SLC37A2: variants seen among roughly 807,000 people sequenced by gnomAD.
SLC37A2 encodes the protein glucose-6-phosphate exchanger SLC37A2.
Under a neutral mutation model 70.7 loss-of-function variants are expected in SLC37A2, and 59 were observed. That is an observed-to-expected ratio of 0.83 (90% CI 0.68 to 1.04). The LOEUF is 1.04. Among genes scored for constraint, SLC37A2 ranks in the 50% least tolerant of loss-of-function variants. The probability of loss-of-function intolerance (pLI) is 0.00; values close to 1 mark genes in which losing one functional copy is unlikely to be tolerated. For synonymous variants in SLC37A2, 257 were observed against 262.1 expected, an observed-to-expected ratio of 0.98 and a Z score of 0.19; for missense variants, 580 against 658.1, an observed-to-expected ratio of 0.88 and a Z score of 1.30.
rs982899644 is a variant in SLC37A2 at position 125,081,329 on chromosome 11, T to C, written c.695-92T>C. ...GGCGGGGCTGGTTCCCGGGATGGCT[T>C]AGATCCAGTGCAAGGTGAGGGCCTG... On this transcript the variant is annotated intron_variant, in intron 7 of 17. Coordinates refer to ENST00000403796, the MANE Select transcript of SLC37A2 (RefSeq NM_001145290.2). The C allele has an allele frequency of 3.0e-5, 39 of 1,318,650 alleles. No homozygotes were observed. The Middle Eastern group carries it at 7.7e-4, about 26-fold the overall frequency. The allele number at this position is 1,318,650 out of a possible 1,614,324, so 81.7% of individuals were successfully genotyped here.
At position 125,063,548 on chromosome 11, in the gene SLC37A2, T is replaced by C. The variant is rs1356305373; in HGVS notation, c.59+122T>C. The C allele has an allele frequency of 1.4e-5, 12 of 867,264 alleles. No individual in the cohort carries two copies. The highest frequency in any genetic ancestry group is 1.9e-5 in the Non-Finnish European group (11 of 580,472). The allele number at this position is 867,264 out of a possible 1,614,324, so 53.7% of individuals were successfully genotyped here. On this transcript the variant is annotated intron_variant, in intron 1 of 17. Transcript: ENST00000403796. The surrounding 1 kb of genome is among the most constrained non-coding windows in gnomAD (Gnocchi z 5.4). Reference sequence around the variant, plus strand: ...GGCGTCGCCGCGTGGCCAGGGGTGCTGGGGGGACTTGGTCCCGAGCTCCTC... The same window carrying C: ...GGCGTCGCCGCGTGGCCAGGGGTGCCGGGGGGACTTGGTCCCGAGCTCCTC...
intron 13 of SLC37A2, 90 bp from the exon 14 acceptor site, chr11:125,084,976 G>A: frequency 6.3e-7 from 1 of 1,592,262 alleles, no homozygotes; most frequent in Non-Finnish European, 8.6e-7. Flanking sequence ...GAGGGGCTGG[G>A]AGGGCTGAAG....
At chr11:125,079,573 T>C (rs1949125528) in intron 5 of SLC37A2, 111 bp from the exon 6 acceptor site, 2 of 796,860 alleles carry the variant, frequency 2.5e-6, no homozygotes, top group East Asian at 2.7e-5. Context: ...GTGTGGGGTA[T>C]GGAGGGCCCC....
chr11:125,066,577 C>A (rs1292814361), intron 1 of SLC37A2, among the ~76,000 whole-genome samples: 1 of 152,130 alleles, frequency 6.6e-6, no homozygotes, highest in Admixed American at 6.5e-5. Context: ...GAATTCATGA[C>A]AAGAATAATG....
At chr11:125,076,956 G>C (rs1019761073) in intron 2 of SLC37A2, 118 bp downstream of exon 2, 1 of 965,822 alleles carries the variant, frequency 1.0e-6, no homozygotes, top group African/African-American at 1.6e-5. Context: ...CTCAGTGGCT[G>C]TCTTCCCCAG....
At chr11:125,075,749 G>A (rs1451054811) in intron 1 of SLC37A2, among the ~76,000 whole-genome samples, 1 of 152,204 alleles carries the variant, frequency 6.6e-6, no homozygotes, top group Non-Finnish European at 1.5e-5. Flanking sequence ...TTGGGTCTGG[G>A]GTGTGGAGGA....
In SLC37A2 at chr11:125,063,951, C is replaced by G. The variant is rs1323533948; in HGVS notation, c.59+525C>G. Among the ~76,000 whole-genome samples the G allele has an allele frequency of 6.6e-6, 1 of 152,192 alleles. No individual in the cohort carries two copies. The highest frequency in any genetic ancestry group is 2.1e-4 in the South Asian group (1 of 4,832). On this transcript the variant is annotated intron_variant, in intron 1 of 17. Transcript: ENST00000403796. The surrounding 1 kb of genome is among the most constrained non-coding windows in gnomAD (Gnocchi z 5.4). ...TTCAGCACCTGGAAAGGGCACAGCT[C>G]TCAGAGCAGAGCAGGGCAGCCCCTC...
chr11:125,077,137 G>GT, intron 2 of SLC37A2, 93 bp from the exon 3 acceptor site: 1 of 1,004,762 alleles, frequency 1.0e-6, no homozygotes, highest in Non-Finnish European at 1.5e-6. Flanking sequence ...ATAGAATCTG[G>GT]TAGGAGGCAG....
rs1016376744 is a variant in SLC37A2 at position 125,080,341 on chromosome 11, C to A, written c.528-273C>A. Among the ~76,000 whole-genome samples the A allele has an allele frequency of 6.6e-6, 1 of 152,162 alleles. No homozygotes were observed. The highest frequency in any genetic ancestry group is 2.1e-4 in the South Asian group (1 of 4,828). ...TGGGACAGAAGAGAAGAACGAGGGC[C>A]GGGGCCCCCATGCCCTCAGTGTGGC... On this transcript the variant is annotated intron_variant, in intron 6 of 17. Coordinates refer to ENST00000403796, the MANE Select transcript of SLC37A2 (RefSeq NM_001145290.2). The surrounding 1 kb of genome is among the most constrained non-coding windows in gnomAD (Gnocchi z 4.3).
Position 125,079,097 on chromosome 11 carries a change from C to T in SLC37A2, c.315-15C>T. 6 of 1,614,078 alleles carry T rather than the reference C, an allele frequency of 3.7e-6. No individual in the cohort carries two copies. Among genetic ancestry groups the T allele is most frequent in the Non-Finnish European group, 5.1e-6 (6 of 1,179,956 alleles). On this transcript the variant is annotated splice_polypyrimidine_tract_variant and intron_variant, in intron 4 of 17. Coordinates refer to ENST00000403796, the MANE Select transcript of SLC37A2 (RefSeq NM_001145290.2). ...CAGAGGAGCTTAACCGCAGATCCAA[C>T]TTTCTCTTCCCCAGTGGGGTTTTTG...
rs1355466237 is a variant in SLC37A2 at position 125,075,145 on chromosome 11, T to C, written c.60-1612T>C. Among the ~76,000 whole-genome samples the C allele has an allele frequency of 2.0e-5, 3 of 152,184 alleles. No individual in the cohort carries two copies. The East Asian group carries it at 5.8e-4, about 29-fold the overall frequency. On this transcript the variant is annotated intron_variant, in intron 1 of 17. Transcript: ENST00000403796. The stretch of plus-strand genomic sequence containing the variant: ...GAGGTGCCACGCAAAGCTTCCCGCC[T>C]CTCCCTGAACCAGGTGCGTCCCAGG...
chr11:125,077,423 C>T, intron 3 of SLC37A2, 27 bp from the exon 4 acceptor site: 1 of 1,608,742 alleles, frequency 6.2e-7, no homozygotes, highest in African/African-American at 1.3e-5. Flanking sequence ...ACGCAGTCAG[C>T]TTTCTGTTTC....
At position 125,063,509 on chromosome 11, in the gene SLC37A2, C is replaced by T. The variant is rs1228858488; in HGVS notation, c.59+83C>T. ...GGCCGCGGGGGGCCTCGGAGATCAC[C>T]CCAGATCGGCCCCGGCGTCGCCGCG... is the stretch of plus-strand genomic sequence containing the variant. On this transcript the variant is annotated intron_variant, in intron 1 of 17. Coordinates refer to ENST00000403796, the MANE Select transcript of SLC37A2 (RefSeq NM_001145290.2). The surrounding 1 kb of genome is among the most constrained non-coding windows in gnomAD (Gnocchi z 5.4). 2 of 1,300,892 alleles carry T rather than the reference C, an allele frequency of 1.5e-6. No individual in the cohort carries two copies. Among genetic ancestry groups the T allele is most frequent in the East Asian group, 5.1e-5 (2 of 38,846 alleles). The allele number at this position is 1,300,892 out of a possible 1,614,324, so 80.6% of individuals were successfully genotyped here. A position where few individuals can be genotyped will look rare whatever the true frequency, so the allele number is the denominator to read the frequency against.
In SLC37A2 at chr11:125,090,264, C is replaced by G. The variant is rs1949270953; in HGVS notation, c.*2130C>G. On this transcript the variant is annotated 3_prime_UTR_variant, in exon 18 of 18. Transcript: ENST00000403796. ...CTGCTCTGGTGGGGCCTTGGAGAAC[C>G]TGTGTGTCGAAACTCTGTATCTAAC... The G allele has an allele frequency of 6.6e-6, 1 of 152,168 alleles. No individual in the cohort carries two copies. 9.4% of individuals were successfully genotyped at this position (152,168 alleles called of 1,614,324 possible).
intron 1 of SLC37A2, among the ~76,000 whole-genome samples, chr11:125,074,546 TAAGG>T (rs1164119641): frequency 2.1e-5 from 3 of 141,856 alleles, no homozygotes; most frequent in Non-Finnish European, 4.5e-5. Context: ...ATGGAGCAGA[TAAGG>T]AAGAACACCT....
At position 125,085,089 on chromosome 11, in the gene SLC37A2, C is replaced by G. The variant is rs778814015; in HGVS notation, c.1198C>G (p.Leu400Val). 9 of 1,613,994 alleles carry G rather than the reference C, an allele frequency of 5.6e-6. No homozygotes were observed. In the African/African-American group the frequency reaches 1.2e-4, roughly 22 times the overall value. ...SIVMLIICGG[L>V]VNGPYALITT... ...AGTGATGCTGATCATCTGTGGGGGC[C>G]TGGTCAATGGCCCATACGCGCTCAT... is the stretch of plus-strand genomic sequence containing the variant. Residue 400 changes from leucine to valine, a missense_variant, in exon 14 of 18, where the codon CTG (leucine) becomes GTG (valine). By Grantham distance (32) the Leu-to-Val change is conservative (BLOSUM62 1). Coordinates refer to ENST00000403796, the MANE Select transcript of SLC37A2 (RefSeq NM_001145290.2).
At position 125,079,779 on chromosome 11, in the gene SLC37A2, G is replaced by A; in HGVS notation, c.527+19G>A. Reference sequence around the variant, plus strand: ...AGGGGAAGTGAGTGTAACAAGGGAGGAGGAGTGGGAAGGATTGGGAGGGCT... The same window carrying A: ...AGGGGAAGTGAGTGTAACAAGGGAGAAGGAGTGGGAAGGATTGGGAGGGCT... On this transcript the variant is annotated intron_variant, in intron 6 of 17. Coordinates refer to ENST00000403796, the MANE Select transcript of SLC37A2 (RefSeq NM_001145290.2). The A allele has an allele frequency of 6.3e-7, 1 of 1,591,322 alleles. No individual in the cohort carries two copies. The highest frequency in any genetic ancestry group is 2.2e-5 in the East Asian group (1 of 44,606).
intron 6 of SLC37A2, 149 bp downstream of exon 6, chr11:125,079,909 A>G: frequency 1.5e-6 from 1 of 650,512 alleles, no homozygotes; most frequent in East Asian, 2.8e-5. Context: ...GGCTAAAAGC[A>G]GTGCTGATTT....
chr11:125,086,454 T>A, intron 17 of SLC37A2: 2 of 599,408 alleles, frequency 3.3e-6, no homozygotes, highest in South Asian at 3.8e-5. Flanking sequence ...CAGAGGTTGG[T>A]GGCCTCTTCC....
Sources: gnomAD v4.1 joint callset for allele counts (sites outside exome capture counted in the v4.1 genomes callset) on GRCh38, gnomAD v4.1.1 for gene constraint, Gnocchi (gnomAD v3.1) non-coding constraint, MANE v1.5 for transcripts, NCBI Gene and HGNC (gene_info 2026-07-23, HGNC 2026-07-21) for gene names.